Variants in SMTN observed in about 807,000 individuals in gnomAD.
SMTN encodes the protein smoothelin.
In SMTN, 58 loss-of-function variants were observed where a neutral mutation model predicts 102.0. That is an observed-to-expected ratio of 0.57 (90% CI 0.46 to 0.71). The LOEUF (loss-of-function observed/expected upper bound fraction) is 0.71. SMTN is among the 30% of genes least tolerant of loss of function. The pLI is 0.00. For synonymous variants in SMTN, 478 were observed against 497.9 expected (o/e 0.96, Z 0.53); for missense variants, 1,185 against 1,241.7 (o/e 0.95, Z 0.69).
chr22:31,082,910 G>A, intron 1 of SMTN: 2 of 1,548,302 alleles, frequency 1.3e-6, no homozygotes, highest in East Asian at 2.4e-5. Flanking sequence ...CTGTTTTGAG[G>A]TTTAGACAGG....
rs752122512 is a variant in SMTN, at chr22:31,091,238, C to T, written c.1215C>T (p.Ala405=). 3.8e-5 allele frequency: 61 copies of T among 1,607,810 alleles called. No homozygotes were observed. In the South Asian group the frequency reaches 6.1e-4, roughly 16 times the overall value. The change falls in exon 10 of 21, where the codon GCC becomes GCT. Residue 405 remains alanine (A), a synonymous_variant. Transcript: ENST00000333137. Reference sequence around the variant, plus strand: ...AACGAGGAGTAGCCCAGCCCCTGGCCCAGCTTCGAAGCTGCCCCCAGGAGG... The same window carrying T: ...AACGAGGAGTAGCCCAGCCCCTGGCTCAGCTTCGAAGCTGCCCCCAGGAGG... The part of the protein sequence containing the change: ...KEQRGVAQPL[A]QLRSCPQEEG...
intron 13 of SMTN, 99 bp from the exon 14 acceptor site, chr22:31,096,634 C>T (rs1022394809): frequency 3.7e-5 from 49 of 1,328,864 alleles, no homozygotes; most frequent in Non-Finnish European, 4.4e-5. Flanking sequence ...TCTAACAAGC[C>T]ACCCTCCACC....
Position 31,085,311 on chromosome 22 carries a change from C to T in SMTN, c.51+2002C>T, listed in dbSNP as rs749477334. On this transcript the variant is annotated intron_variant, in intron 2 of 20. Transcript: ENST00000333137. ...GGCAGGGTGGGCGAGGCGAGGGCGG[C>T]GCCCTGCGAGGGAGGGCGGTCGCAG... 79 of 1,486,732 alleles carry T rather than the reference C, an allele frequency of 5.3e-5. No individual in the cohort carries two copies. The East Asian group carries it at 7.0e-4, about 13-fold the overall frequency. 92.1% of individuals were successfully genotyped at this position (1,486,732 alleles called of 1,614,324 possible).
At chr22:31,067,244 G>GA (rs796166777) in intron 1 of SMTN, 1 of 136,860 alleles carries the variant, frequency 7.3e-6, no homozygotes, top group African/African-American at 2.7e-5. Flanking sequence ...GACCAGAAAG[G>GA]TTTTTTTTTT....
chr22:31,084,665 C>G (rs11913767), intron 2 of SMTN, among the ~76,000 whole-genome samples: 1,932 of 152,366 alleles, frequency 0.013, 37 homozygotes, highest in African/African-American at 0.042. Flanking sequence ...CACAGGCAGG[C>G]TCAGGGTTCT....
Position 31,097,290 on chromosome 22 carries a change from T to C in SMTN, c.2111T>C (p.Met704Thr). 4 of 1,614,150 alleles carry C rather than the reference T, an allele frequency of 2.5e-6. No individual in the cohort carries two copies. The highest frequency in any genetic ancestry group is 3.4e-6 in the Non-Finnish European group (4 of 1,180,026). ...GCAGATGGCAGTGGCAGCACCATGA[T>C]GCAAACCAAGACCTTCTCCTCTTCC... Reference protein sequence around the residue: ...RSENGSGSTMMQTKTFSSSSS... With the variant: ...RSENGSGSTMTQTKTFSSSSS... Residue 704 changes from methionine to threonine, a missense_variant, in exon 16 of 21, where the codon ATG (methionine) becomes ACG (threonine). Physicochemically the swap from Met to Thr is moderately conservative, Grantham distance 81. Coordinates refer to ENST00000333137, the MANE Select transcript of SMTN (RefSeq NM_134269.3).
intron 1 of SMTN, 88 bp from the exon 2 acceptor site, chr22:31,083,091 G>A (rs564827167): frequency 6.6e-7 from 1 of 1,520,968 alleles, no homozygotes; most frequent in African/African-American, 1.4e-5. Context: ...GACGCTCCTA[G>A]GTTAGAGAGG....
At chr22:31,079,177 C>G (rs1005620130), upstream of SMTN, among the ~76,000 whole-genome samples, 1 of 152,206 alleles carries the variant, frequency 6.6e-6, no homozygotes, top group Non-Finnish European at 1.5e-5. Context: ...CTGGGGCCCT[C>G]GTCACGGGAT....
chr22:31,099,348 G>A, intron 18 of SMTN, 169 bp downstream of exon 18: 1 of 604,852 alleles, frequency 1.7e-6, no homozygotes, highest in Non-Finnish European at 2.9e-6. Context: ...GAGGACACAA[G>A]GCAAGCCCTA....
intron 2 of SMTN, among the ~76,000 whole-genome samples, chr22:31,086,409 T>A (rs983596942): frequency 6.6e-6 from 1 of 152,074 alleles, no homozygotes; most frequent in African/African-American, 2.4e-5. Context: ...GTATCTAGGG[T>A]TTTTGTGGGC....
At chr22:31,091,590 C>G (rs2043138739) in intron 10 of SMTN, 85 bp from the exon 11 acceptor site, 4 of 1,514,966 alleles carry the variant, frequency 2.6e-6, no homozygotes, top group African/African-American at 1.4e-5. Flanking sequence ...AAAGGGTGTG[C>G]TGGGAGCGAG....
intron 1 of SMTN, among the ~76,000 whole-genome samples, chr22:31,073,818 A>G (rs2042065126): frequency 6.6e-6 from 1 of 152,230 alleles, no homozygotes; most frequent in African/African-American, 2.4e-5. Flanking sequence ...TTGGCACTTT[A>G]GCCTGGGCTC....
Position 31,096,764 on chromosome 22 carries a change from G to A in SMTN, c.1893G>A (p.Leu631=), listed in dbSNP as rs149563592. Residue 631 remains leucine (L), a synonymous_variant, in exon 14 of 21, where the codon CTG becomes CTA. Coordinates refer to ENST00000333137, the MANE Select transcript of SMTN (RefSeq NM_134269.3). ...DQRDKERERR[L]QEARGRPGEG... Reference sequence around the variant, plus strand: ...GGGACAAGGAGCGGGAACGGCGGCTGCAGGAGGCACGGGGCCGGCCAGGGG... The same window carrying A: ...GGGACAAGGAGCGGGAACGGCGGCTACAGGAGGCACGGGGCCGGCCAGGGG... The A allele has an allele frequency of 5.5e-3, 8,511 of 1,557,132 alleles. 26 individuals carry two copies. The highest frequency in any genetic ancestry group is 6.8e-3 in the Non-Finnish European group (7,843 of 1,155,200).
chr22:31,065,686 G>T (rs761739690), intron 1 of SMTN: 4 of 151,346 alleles, frequency 2.6e-5, no homozygotes, highest in African/African-American at 9.7e-5. Flanking sequence ...AATGCATGCC[G>T]TCTACTTTTC....
intron 2 of SMTN, 141 bp from the exon 3 acceptor site, chr22:31,087,824 G>GGGCA (rs1177127398): frequency 1.1e-6 from 1 of 869,914 alleles, no homozygotes; most frequent in Non-Finnish European, 1.7e-6. Flanking sequence ...GACCCTGCGT[G>GGGCA]GGCAGGCAGG....
intron 6 of SMTN, 55 bp downstream of exon 6, chr22:31,089,024 C>G: frequency 7.0e-7 from 1 of 1,423,356 alleles, no homozygotes; most frequent in African/African-American, 1.4e-5. Flanking sequence ...ACCGGTAGCA[C>G]AGAGTGCCTG....
At chr22:31,075,774 C>T (rs1218070389) in intron 1 of SMTN, among the ~76,000 whole-genome samples, 1 of 151,826 alleles carries the variant, frequency 6.6e-6, no homozygotes, top group African/African-American at 2.4e-5. Flanking sequence ...CAGTGCCCAG[C>T]ACATATTATA....
intron 2 of SMTN, among the ~76,000 whole-genome samples, chr22:31,084,551 C>T (rs2042531624): frequency 6.6e-6 from 1 of 152,222 alleles, no homozygotes; most frequent in South Asian, 2.1e-4. Context: ...TCAGTTCGAC[C>T]TTCCCTCAGG....
At chr22:31,075,264 G>A (rs2042100894) in intron 1 of SMTN, among the ~76,000 whole-genome samples, 2 of 152,228 alleles carry the variant, frequency 1.3e-5, no homozygotes, top group East Asian at 1.9e-4. Flanking sequence ...ATGCCATGGG[G>A]AATCAATGGG....
Sources: allele counts gnomAD v4.1 joint callset (sites outside exome capture counted in the v4.1 genomes callset), GRCh38; gene constraint gnomAD v4.1.1; transcripts MANE v1.5; gene names NCBI Gene and HGNC (gene_info 2026-07-23, HGNC 2026-07-21).